KTN1: variants seen among roughly 807,000 people sequenced by gnomAD.
KTN1 encodes the protein kinectin 1.
In KTN1, 130 loss-of-function variants were observed where a neutral mutation model predicts 222.5. The ratio of observed to expected loss-of-function variants is 0.58; its 90% confidence interval spans 0.51 to 0.68. The LOEUF is 0.68. Ranked by LOEUF, KTN1 falls within the 30% of genes least tolerant of loss-of-function variation. KTN1 has a pLI of 0.00. For missense variants in KTN1, 1,508 were observed against 1,500.4 expected (o/e 1.01, Z -0.08); for synonymous variants, 512 against 496.3 (o/e 1.03, Z -0.42).
In KTN1 at chr14:55,588,771, TG is replaced by T. The variant is rs1220845275; in HGVS notation, c.-31+8419del. ...CCATGTACAGTAACCATATAGGGTC[TG>T]GTTTGTGTAAGTTTTGATAAATTTT... On this transcript the variant is annotated intron_variant, in intron 1 of 43. Coordinates refer to ENST00000395314, the MANE Select transcript of KTN1 (RefSeq NM_001079521.2). Among the ~76,000 whole-genome samples the T allele has an allele frequency of 2.6e-5, 4 of 152,344 alleles. No homozygotes were observed. The East Asian group carries it at 7.7e-4, about 29-fold the overall frequency.
chr14:55,639,256 T>C (rs776330007), intron 13 of KTN1, 34 bp downstream of exon 13: 4 of 1,453,210 alleles, frequency 2.8e-6, no homozygotes, highest in Admixed American at 3.4e-5. Flanking sequence ...TATAATTGTG[T>C]AGTCACCACT....
chr14:55,637,862 T>C lies in KTN1; in HGVS notation c.1785+15T>C, dbSNP rs751996747. 6.3e-7 allele frequency: 1 copy of C among 1,597,142 alleles called. No individual in the cohort carries two copies. Among genetic ancestry groups the C allele is most frequent in the South Asian group, 1.1e-5 (1 of 89,846 alleles). ...TAGCAGCCCAGGTAATGATGCTTTC[T>C]TATTGCTTATGATTAATAACTTGCA... On this transcript the variant is annotated intron_variant, in intron 12 of 43. Transcript: ENST00000395314.
At chr14:55,676,011 G>C in intron 41 of KTN1, 93 bp downstream of exon 41, 1 of 782,476 alleles carries the variant, frequency 1.3e-6, no homozygotes, top group South Asian at 1.9e-5. Flanking sequence ...TGGATTTGTT[G>C]TTTTGCATCA....
At chr14:55,663,530 G>A (rs142476921) in intron 32 of KTN1, 212 of 165,550 alleles carry the variant, frequency 1.3e-3, no homozygotes, top group African/African-American at 4.8e-3. Flanking sequence ...ACGTTACACT[G>A]CAGTGGAAAG....
intron 40 of KTN1, 85 bp downstream of exon 40, chr14:55,673,340 T>A (rs2045613607): frequency 1.3e-6 from 1 of 798,956 alleles, no homozygotes; most frequent in Admixed American, 2.5e-5. Flanking sequence ...GGCTTTTTTT[T>A]CTTTGCTAAC....
At chr14:55,644,172 TTTA>T in intron 18 of KTN1, 3 of 418,256 alleles carry the variant, frequency 7.2e-6, no homozygotes, top group East Asian at 7.1e-5. Context: ...TCTAGTCGTT[TTTA>T]TTGTTGCTGC....
chr14:55,580,804 G>A (rs982542108), intron 1 of KTN1, among the ~76,000 whole-genome samples: 4 of 152,190 alleles, frequency 2.6e-5, no homozygotes, highest in African/African-American at 9.6e-5. Flanking sequence ...GAGGCAGCGC[G>A]TCTCCGGCGG....
chr14:55,604,254 T>TA (rs2036413425), intron 1 of KTN1, among the ~76,000 whole-genome samples: 1 of 152,216 alleles, frequency 6.6e-6, no homozygotes. Context: ...GCAGGTATGT[T>TA]ACTGTCTCAT....
chr14:55,641,595 G>A (rs2041809961), intron 17 of KTN1, 97 bp from the exon 18 acceptor site: 4 of 802,238 alleles, frequency 5.0e-6, no homozygotes, highest in East Asian at 4.9e-5. Context: ...AGGACTGAAA[G>A]CTGAGATAAA....
intron 35 of KTN1, 32 bp from the exon 36 acceptor site, chr14:55,671,534 T>C: frequency 1.3e-6 from 2 of 1,513,422 alleles, no homozygotes; most frequent in South Asian, 2.4e-5. Context: ...CTGGTAGAAT[T>C]ATGGAGTTTT....
intron 1 of KTN1, among the ~76,000 whole-genome samples, chr14:55,585,016 C>T (rs1012679124): frequency 3.3e-5 from 5 of 151,226 alleles, no homozygotes; most frequent in Non-Finnish European, 7.4e-5. Flanking sequence ...CCTGTGGTCC[C>T]GGCTTCTTGG....
At chr14:55,583,954 A>G (rs925419876) in intron 1 of KTN1, among the ~76,000 whole-genome samples, 16 of 152,256 alleles carry the variant, frequency 1.1e-4, no homozygotes, top group South Asian at 4.1e-4. Context: ...CCAGAATCCA[A>G]TCAGTACTTA....
chr14:55,658,427 T>G, intron 29 of KTN1, 119 bp from the exon 30 acceptor site: 2 of 676,826 alleles, frequency 3.0e-6, no homozygotes, highest in Admixed American at 5.4e-5. Flanking sequence ...TTACACCCTT[T>G]AAAATTATTG....
chr14:55,610,888 A>C lies in KTN1; in HGVS notation c.-30-1131A>C, dbSNP rs982185936. Among the ~76,000 whole-genome samples, 17 of 152,308 alleles carry C rather than the reference A, an allele frequency of 1.1e-4. No homozygotes were observed. In the South Asian group the frequency reaches 3.5e-3, roughly 32 times the overall value. On this transcript the variant is annotated intron_variant, in intron 1 of 43. Coordinates refer to ENST00000395314, the MANE Select transcript of KTN1 (RefSeq NM_001079521.2). ...ATGTTGGTAGTCAAATTACATCGCC[A>C]CCCGCCCCCTTCCCGCCCCGGGCGT...
chr14:55,614,621 T>TA (rs899174499), intron 2 of KTN1, among the ~76,000 whole-genome samples: 97 of 152,066 alleles, frequency 6.4e-4, no homozygotes, highest in African/African-American at 2.2e-3. Context: ...TGTAAAAATG[T>TA]AAAAAAAAGT....
At position 55,650,628 on chromosome 14, in the gene KTN1, G is replaced by C; in HGVS notation, c.2556G>C (p.Lys852Asn). The change falls in exon 24 of 44, where the codon AAG (lysine) becomes AAC (asparagine). Residue 852 changes from lysine to asparagine, a missense_variant. By Grantham distance (94) the Lys-to-Asn change is moderately conservative. Coordinates refer to ENST00000395314, the MANE Select transcript of KTN1 (RefSeq NM_001079521.2). ...KEEIGNVQLE[K>N]AQQLSITSKV... ...AAATAGGAAATGTCCAGCTTGAAAA[G>C]GCTCAACAGGTAAAAATCCCAGAGC... The C allele has an allele frequency of 6.2e-7, 1 of 1,607,632 alleles. No individual in the cohort carries two copies. The highest frequency in any genetic ancestry group is 8.5e-7 in the Non-Finnish European group (1 of 1,174,576).
At chr14:55,670,673 T>C in intron 34 of KTN1, 56 bp from the exon 35 acceptor site, 1 of 1,270,690 alleles carries the variant, frequency 7.9e-7, no homozygotes, top group Non-Finnish European at 1.1e-6. Flanking sequence ...TCACCTGTTT[T>C]ATTTGGATTT....
At position 55,580,809 on chromosome 14, in the gene KTN1, C is replaced by T. The variant is rs1472532680; in HGVS notation, c.-31+455C>T. 2.6e-5 allele frequency among the ~76,000 whole-genome samples: 4 copies of T among 152,306 alleles called. No individual in the cohort carries two copies. In the East Asian group the frequency reaches 7.8e-4, roughly 30 times the overall value. On this transcript the variant is annotated intron_variant, in intron 1 of 43. Transcript: ENST00000395314. ...CCGGTGGACGGAGGCAGCGCGTCTC[C>T]GGCGGCGTCCCCGGGCCGGAGCTGG...
Position 55,612,079 on chromosome 14 carries a change from G to A in KTN1, c.31G>A (p.Val11Ile). Reference protein sequence around the residue: MEFYESAYFIVLIPSIVITVI... With the variant: MEFYESAYFIILIPSIVITVI... ...GTTTTATGAGTCAGCATATTTTATT[G>A]TTCTTATTCCTTCAATAGTTATTAC... The change falls in exon 2 of 44, where the codon GTT becomes ATT. Residue 11 changes from valine (V) to isoleucine (I), a missense_variant. Physicochemically the swap from Val to Ile is conservative, Grantham distance 29. Coordinates refer to ENST00000395314, the MANE Select transcript of KTN1 (RefSeq NM_001079521.2). 6.6e-7 allele frequency: 1 copy of A among 1,506,464 alleles called. No homozygotes were observed. Among genetic ancestry groups the A allele is most frequent in the South Asian group, 1.4e-5 (1 of 72,304 alleles). 93.3% of individuals were successfully genotyped at this position (1,506,464 alleles called of 1,614,324 possible).
Sources: gnomAD v4.1 joint callset for allele counts (sites outside exome capture counted in the v4.1 genomes callset) on GRCh38, gnomAD v4.1.1 for gene constraint, MANE v1.5 for transcripts, NCBI Gene and HGNC (gene_info 2026-07-23, HGNC 2026-07-21) for gene names.